Variants in SLC4A4 observed in about 807,000 individuals in gnomAD.
SLC4A4 encodes the protein solute carrier family 4 member 4.
SLC4A4 carries 27 observed loss-of-function variants against 111.5 expected under a neutral mutation model. The observed-to-expected ratio is 0.24, with a 90% CI of 0.18 to 0.33. The LOEUF is 0.33. Ranked by LOEUF, SLC4A4 falls within the 10% of genes least tolerant of loss-of-function variation. The pLI is 1.00. For synonymous variants in SLC4A4, 443 were observed against 463.4 expected, an observed-to-expected ratio of 0.96 and a Z score of 0.57; for missense variants, 909 against 1,315.5, an observed-to-expected ratio of 0.69 and a Z score of 4.78.
intron 2 of SLC4A4, among the ~76,000 whole-genome samples, chr4:71,237,278 C>T (rs573939672): frequency 2.0e-5 from 3 of 152,172 alleles, no homozygotes; most frequent in Non-Finnish European, 2.9e-5. Context: ...TTCCCTTTTC[C>T]TGTCTCCTGA....
chr4:71,340,643 G>T (rs1048316842), intron 4 of SLC4A4, among the ~76,000 whole-genome samples: 2 of 152,028 alleles, frequency 1.3e-5, no homozygotes, highest in Non-Finnish European at 2.9e-5. Flanking sequence ...AAAGTAGAAG[G>T]TTCATCTGAG....
chr4:71,560,318 T>C, intron 23 of SLC4A4, 64 bp downstream of exon 23: 1 of 1,526,018 alleles, frequency 6.6e-7, no homozygotes, highest in Non-Finnish European at 8.9e-7. Flanking sequence ...AATTGTCCCT[T>C]TTTATACCTG....
At chr4:71,505,537 T>G (rs1353485476) in intron 16 of SLC4A4, among the ~76,000 whole-genome samples, 1 of 152,100 alleles carries the variant, frequency 6.6e-6, no homozygotes, top group Non-Finnish European at 1.5e-5. Context: ...TGCCCAGTTT[T>G]TAATGGGATT....
chr4:71,530,942 C>A (rs556810001), intron 16 of SLC4A4, among the ~76,000 whole-genome samples: 1 of 152,182 alleles, frequency 6.6e-6, no homozygotes, highest in African/African-American at 2.4e-5. Context: ...CTGACTCAAC[C>A]TTGGTTTTAT....
chr4:71,224,900 G>T (rs1718958623), intron 1 of SLC4A4, among the ~76,000 whole-genome samples: 1 of 152,158 alleles, frequency 6.6e-6, no homozygotes, highest in East Asian at 1.9e-4. Flanking sequence ...GTGTGATTTT[G>T]GGCAAATTAT....
chr4:71,351,876 G>A (rs2148905082), intron 5 of SLC4A4, among the ~76,000 whole-genome samples: 1 of 152,290 alleles, frequency 6.6e-6, no homozygotes, highest in South Asian at 2.1e-4. Context: ...CAAGGTACAT[G>A]TCAACATAGG....
In SLC4A4 at chr4:71,514,503, G is replaced by C. The variant is rs956120276; in HGVS notation, c.2166+16811G>C. 2.0e-5 allele frequency among the ~76,000 whole-genome samples: 3 copies of C among 152,134 alleles called. No individual in the cohort carries two copies. The East Asian group carries it at 5.8e-4, about 29-fold the overall frequency. Reference sequence around the variant, plus strand: ...ACCCATTCTCAGGTAATTCTTTAAAGTAATGCGATAATTGACTAATACAGA... The same window carrying C: ...ACCCATTCTCAGGTAATTCTTTAAACTAATGCGATAATTGACTAATACAGA... On this transcript the variant is annotated intron_variant, in intron 16 of 25. Coordinates refer to ENST00000264485, the MANE Select transcript of SLC4A4 (RefSeq NM_001098484.3).
intron 14 of SLC4A4, among the ~76,000 whole-genome samples, chr4:71,475,686 G>T (rs541492756): frequency 1.3e-5 from 2 of 151,990 alleles, no homozygotes; most frequent in Admixed American, 6.6e-5. Flanking sequence ...CTTTCAGCAA[G>T]TTCCTTTTCC....
At chr4:71,561,834 T>TA (rs1421705792) in intron 23 of SLC4A4, among the ~76,000 whole-genome samples, 2 of 151,954 alleles carry the variant, frequency 1.3e-5, no homozygotes, top group South Asian at 4.2e-4. Context: ...AATATTAAAA[T>TA]AATTAAAGCA....
chr4:71,110,372 G>A (rs1157246659), intron 2 of SLC4A4, among the ~76,000 whole-genome samples: 1 of 151,892 alleles, frequency 6.6e-6, no homozygotes, highest in Non-Finnish European at 1.5e-5. Flanking sequence ...ATGTTACCAT[G>A]CCCAGCTAAT....
intron 7 of SLC4A4, among the ~76,000 whole-genome samples, chr4:71,410,959 A>G (rs1721312116): frequency 6.6e-6 from 1 of 152,178 alleles, no homozygotes; most frequent in South Asian, 2.1e-4. Flanking sequence ...AGCTGAGACC[A>G]TAGAAAGCTG....
intron 6 of SLC4A4, among the ~76,000 whole-genome samples, chr4:71,373,323 A>G (rs560976039): frequency 6.6e-6 from 1 of 152,306 alleles, no homozygotes; most frequent in African/African-American, 2.4e-5. Flanking sequence ...CATTTATTAT[A>G]CTCTCTGCAA....
chr4:71,338,798 C>G (rs868555561), intron 3 of SLC4A4, among the ~76,000 whole-genome samples: 60 of 150,944 alleles, frequency 4.0e-4, no homozygotes, highest in Middle Eastern at 3.5e-3. Flanking sequence ...TTTTTGGGTA[C>G]TACCATTCTG....
chr4:71,212,824 GAA>G (rs1183244461), intron 1 of SLC4A4, among the ~76,000 whole-genome samples: 1 of 152,194 alleles, frequency 6.6e-6, no homozygotes, highest in African/African-American at 2.4e-5. Flanking sequence ...GTTGCTGGGG[GAA>G]AGTGTCCAAA....
intron 2 of SLC4A4, among the ~76,000 whole-genome samples, chr4:71,126,952 C>T (rs896708162): frequency 6.6e-6 from 1 of 152,180 alleles, no homozygotes; most frequent in Non-Finnish European, 1.5e-5. Context: ...CAGGAGTATT[C>T]CTGGAAGCCA....
intron 2 of SLC4A4, among the ~76,000 whole-genome samples, chr4:71,165,057 A>T (rs983684732): frequency 6.6e-6 from 1 of 152,154 alleles, no homozygotes; most frequent in African/African-American, 2.4e-5. Flanking sequence ...GAAACAACAA[A>T]TGCTGGAGAG....
At chr4:71,183,266 TAA>T (rs1447342982), upstream of SLC4A4, among the ~76,000 whole-genome samples, 2 of 152,170 alleles carry the variant, frequency 1.3e-5, no homozygotes, top group Non-Finnish European at 2.9e-5. Context: ...GCATGTGTTT[TAA>T]AAACGACAGT....
At position 71,299,685 on chromosome 4, in the gene SLC4A4, G is replaced by C. The variant is rs147798918; in HGVS notation, c.254-39685G>C. Among the ~76,000 whole-genome samples the C allele has an allele frequency of 4.0e-3, 602 of 152,300 alleles. 4 individuals are homozygous for C. Among genetic ancestry groups the C allele is most frequent in the African/African-American group, 0.014 (580 of 41,560 alleles). ...GCCAGCGTTGTGGAGAGGGCAGGGGGCATGTCTCTAGGCATTGCTGGAACT... is the reference window on the plus strand; with the variant it reads ...GCCAGCGTTGTGGAGAGGGCAGGGGCCATGTCTCTAGGCATTGCTGGAACT... On this transcript the variant is annotated intron_variant, in intron 3 of 25. Transcript: ENST00000264485.
At chr4:71,144,261 A>T (rs1279460826) in intron 2 of SLC4A4, among the ~76,000 whole-genome samples, 1 of 152,162 alleles carries the variant, frequency 6.6e-6, no homozygotes, top group African/African-American at 2.4e-5. Context: ...AGTTGTAGAT[A>T]TGCGGCATTA....
Sources: allele counts gnomAD v4.1 joint callset (sites outside exome capture counted in the v4.1 genomes callset), GRCh38; gene constraint gnomAD v4.1.1; transcripts MANE v1.5; gene names NCBI Gene and HGNC (gene_info 2026-07-23, HGNC 2026-07-21).